Variants in BCAS1 observed in about 807,000 individuals in gnomAD.
The protein encoded by BCAS1 is breast carcinoma-amplified sequence 1.
BCAS1 carries 46 observed loss-of-function variants against 65.4 expected under a neutral mutation model. The observed-to-expected ratio is 0.70, with a 90% CI of 0.55 to 0.90. The LOEUF is 0.90. Ranked by LOEUF, BCAS1 falls within the 40% of genes least tolerant of loss-of-function variation. The pLI is 0.00. For missense variants in BCAS1, 793 were observed against 771.2 expected, an observed-to-expected ratio of 1.03 and a Z score of -0.33; for synonymous variants, 298 against 293.5, an observed-to-expected ratio of 1.02 and a Z score of -0.16.
At chr20:54,009,644 AAAG>A (rs2091279133) in intron 4 of BCAS1, among the ~76,000 whole-genome samples, 1 of 152,216 alleles carries the variant, frequency 6.6e-6, no homozygotes, top group Admixed American at 6.5e-5. Context: ...TGAAATGTTT[AAAG>A]AAGAATTACA....
chr20:53,979,336 G>T (rs918167642), intron 8 of BCAS1, among the ~76,000 whole-genome samples: 32 of 152,104 alleles, frequency 2.1e-4, no homozygotes, highest in Admixed American at 2.1e-3. Flanking sequence ...TCTGGGTAGG[G>T]TGCTGGTGGC....
chr20:53,995,160 G>A, intron 5 of BCAS1, 104 bp from the exon 6 acceptor site: 1 of 921,816 alleles, frequency 1.1e-6, no homozygotes, highest in South Asian at 1.5e-5. Context: ...CACCATACAG[G>A]TCAAGAATAA....
intron 3 of BCAS1, 87 bp downstream of exon 3, chr20:54,057,994 TTTCA>T: frequency 1.9e-6 from 2 of 1,035,500 alleles, no homozygotes; most frequent in South Asian, 1.4e-5. Context: ...GCTTCGACCC[TTTCA>T]TTTTTTTTTT....
intron 3 of BCAS1, among the ~76,000 whole-genome samples, chr20:54,039,904 C>A (rs2091961548): frequency 1.3e-5 from 2 of 151,172 alleles, no homozygotes. Flanking sequence ...TGTATCTGTC[C>A]TTGTTGTTTT....
intron 4 of BCAS1, among the ~76,000 whole-genome samples, chr20:54,009,163 G>T (rs1164434953): frequency 2.0e-5 from 3 of 152,130 alleles, no homozygotes; most frequent in African/African-American, 4.8e-5. Context: ...ATTAACAATT[G>T]TAACAGTGCT....
chr20:54,029,231 T>C (rs1330244740), intron 3 of BCAS1: 3 of 985,218 alleles, frequency 3.0e-6, no homozygotes, highest in Admixed American at 6.2e-5. Flanking sequence ...GAATGAGTGA[T>C]ATTCAATGTT....
At chr20:53,966,325 C>T (rs747584688) in intron 10 of BCAS1, among the ~76,000 whole-genome samples, 1 of 152,176 alleles carries the variant, frequency 6.6e-6, no homozygotes, top group Admixed American at 6.5e-5. Context: ...ATGTCTTTTG[C>T]AGCAACTTGG....
chr20:54,038,770 A>G (rs891489739), intron 3 of BCAS1, among the ~76,000 whole-genome samples: 7 of 151,416 alleles, frequency 4.6e-5, no homozygotes, highest in African/African-American at 1.7e-4. Flanking sequence ...ACACCGTCCT[A>G]TGCATCAATA....
At chr20:53,945,037 T>G in intron 12 of BCAS1, 41 bp from the exon 13 acceptor site, 4 of 1,571,108 alleles carry the variant, frequency 2.5e-6, no homozygotes, top group Non-Finnish European at 3.5e-6. Flanking sequence ...ATTGAAGCTC[T>G]GTAATGTCAA....
At chr20:54,039,011 A>C (rs1297127184) in intron 3 of BCAS1, among the ~76,000 whole-genome samples, 2 of 151,456 alleles carry the variant, frequency 1.3e-5, no homozygotes, top group Non-Finnish European at 3.0e-5. Flanking sequence ...GAGTTATATT[A>C]GAATATCAAA....
intron 7 of BCAS1, among the ~76,000 whole-genome samples, chr20:53,986,705 C>T (rs992339232): frequency 6.6e-6 from 1 of 152,098 alleles, no homozygotes; most frequent in Non-Finnish European, 1.5e-5. Context: ...CAAGACCAGC[C>T]TGGGCAACAT....
chr20:54,059,308 T>A (rs1022333543), intron 1 of BCAS1, among the ~76,000 whole-genome samples: 11 of 152,226 alleles, frequency 7.2e-5, no homozygotes, highest in African/African-American at 2.4e-4. Context: ...TCAGTTGCAT[T>A]TCATTGCTAG....
intron 12 of BCAS1, among the ~76,000 whole-genome samples, chr20:53,951,402 C>A (rs148465183): frequency 6.6e-6 from 1 of 152,172 alleles, no homozygotes; most frequent in Non-Finnish European, 1.5e-5. Flanking sequence ...ACCCGGGATG[C>A]GGAGGTTGCG....
At chr20:53,988,129 C>T (rs1299249161) in intron 7 of BCAS1, among the ~76,000 whole-genome samples, 1 of 152,188 alleles carries the variant, frequency 6.6e-6, no homozygotes, top group South Asian at 2.1e-4. Context: ...TTTGGTGTAA[C>T]TTCTGTGGCT....
At chr20:53,992,357 G>A (rs1463339250) in intron 7 of BCAS1, among the ~76,000 whole-genome samples, 155 bp downstream of exon 7, 1 of 152,122 alleles carries the variant, frequency 6.6e-6, no homozygotes, top group Non-Finnish European at 1.5e-5. Context: ...AAAAATCACT[G>A]AAGTTTAATT....
rs2091901307 is a variant in BCAS1, at chr20:54,036,440, A to G, written c.143-7468T>C. Among the ~76,000 whole-genome samples, 2 of 151,482 alleles carry G rather than the reference A, an allele frequency of 1.3e-5. 1 individual carries two copies. The highest frequency in any genetic ancestry group is 1.3e-4 in the Admixed American group (2 of 15,160). The stretch of plus-strand genomic sequence containing the variant: ...ATGTTTTTTTAAAGAAAGTCATTTT[A>G]TCTGTATATGTGATTAAAACCTTAT... On this transcript the variant is annotated intron_variant, in intron 3 of 12. Coordinates refer to ENST00000688948, the MANE Select transcript of BCAS1 (RefSeq NM_001366298.2).
intron 10 of BCAS1, among the ~76,000 whole-genome samples, chr20:53,964,182 T>C (rs756142722): frequency 6.6e-6 from 1 of 152,208 alleles, no homozygotes; most frequent in Non-Finnish European, 1.5e-5. Flanking sequence ...CCAGACAATA[T>C]GATTCAAATA....
intron 10 of BCAS1, among the ~76,000 whole-genome samples, chr20:53,962,944 G>A (rs1052015614): frequency 6.6e-6 from 1 of 152,062 alleles, no homozygotes; most frequent in South Asian, 2.1e-4. Context: ...TCTGCCTCCC[G>A]GATTCACGCC....
chr20:54,025,482 G>A (rs911315868), intron 4 of BCAS1, among the ~76,000 whole-genome samples: 2 of 152,020 alleles, frequency 1.3e-5, no homozygotes, highest in African/African-American at 2.4e-5. Flanking sequence ...ATTATGCTTT[G>A]CCCTGAATGT....
Sources: allele counts gnomAD v4.1 joint callset (sites outside exome capture counted in the v4.1 genomes callset), GRCh38; gene constraint gnomAD v4.1.1; transcripts MANE v1.5; gene names NCBI Gene and HGNC (gene_info 2026-07-23, HGNC 2026-07-21).